Variants in CSMD1 observed in about 807,000 individuals in gnomAD.
The protein encoded by CSMD1 is CUB and Sushi multiple domains 1.
Under a neutral mutation model 417.5 loss-of-function variants are expected in CSMD1, and 213 were observed. The observed-to-expected ratio is 0.51, with a 90% CI of 0.46 to 0.57. CSMD1 has a LOEUF of 0.57. Among genes scored for constraint, CSMD1 ranks in the 20% least tolerant of loss-of-function variants. The pLI is 0.00. For missense variants in CSMD1, 6,923 were observed against 4,529.7 expected, an observed-to-expected ratio of 1.53 and a Z score of -15.17; for synonymous variants, 2,862 against 1,736.8, an observed-to-expected ratio of 1.65 and a Z score of -16.11.
chr8:4,053,004 C>T (rs1359766529), intron 3 of CSMD1, among the ~76,000 whole-genome samples: 1 of 152,108 alleles, frequency 6.6e-6, no homozygotes, highest in Non-Finnish European at 1.5e-5. Flanking sequence ...AAAGAAGTGG[C>T]CTTATACTTT....
chr8:3,597,207 G>A (rs958458446), intron 8 of CSMD1, among the ~76,000 whole-genome samples: 1 of 152,082 alleles, frequency 6.6e-6, no homozygotes, highest in African/African-American at 2.4e-5. Context: ...GGAACTGAGA[G>A]GACTCATGGT....
chr8:3,392,232 G>T (rs772865851), intron 17 of CSMD1, among the ~76,000 whole-genome samples: 31 of 151,900 alleles, frequency 2.0e-4, no homozygotes, highest in Non-Finnish European at 4.0e-4. Context: ...GTTGTCACAT[G>T]TACCCTAAAA....
At chr8:4,836,223 T>A (rs1414601556) in intron 1 of CSMD1, among the ~76,000 whole-genome samples, 1 of 152,196 alleles carries the variant, frequency 6.6e-6, no homozygotes, top group Admixed American at 6.5e-5. Context: ...AGGTATTAGA[T>A]AGGTTAATTA....
intron 10 of CSMD1, among the ~76,000 whole-genome samples, chr8:3,540,721 A>G (rs1434108049): frequency 6.6e-6 from 1 of 152,234 alleles, no homozygotes; most frequent in Non-Finnish European, 1.5e-5. Flanking sequence ...AAAGTGAGCA[A>G]AAGACATGAA....
intron 2 of CSMD1, among the ~76,000 whole-genome samples, chr8:4,522,875 C>G (rs1997138): frequency 0.12 from 17,614 of 152,188 alleles, 1,261 homozygotes; most frequent in Admixed American, 0.19. Context: ...TACGTGTTCT[C>G]CAGGAGCTTA....
intron 23 of CSMD1, among the ~76,000 whole-genome samples, chr8:3,325,230 A>G (rs1443299886): frequency 6.6e-6 from 1 of 152,178 alleles, no homozygotes; most frequent in Non-Finnish European, 1.5e-5. Flanking sequence ...CTTCCTACAA[A>G]TGAACCTTGC....
intron 37 of CSMD1, among the ~76,000 whole-genome samples, chr8:3,164,325 G>A (rs1585526763): frequency 6.6e-6 from 1 of 152,212 alleles, no homozygotes; most frequent in South Asian, 2.1e-4. Context: ...TTAAATGGCT[G>A]CATTTTTAGA....
At chr8:4,582,135 G>A (rs995016233) in intron 2 of CSMD1, among the ~76,000 whole-genome samples, 3 of 151,788 alleles carry the variant, frequency 2.0e-5, no homozygotes, top group Non-Finnish European at 1.5e-5. Flanking sequence ...AGTAGCACAT[G>A]AGGAATAATC....
At chr8:4,466,082 G>C (rs1020329524) in intron 2 of CSMD1, among the ~76,000 whole-genome samples, 3 of 152,170 alleles carry the variant, frequency 2.0e-5, no homozygotes, top group Non-Finnish European at 4.4e-5. Flanking sequence ...GTTATGGAGA[G>C]ATTAAATATC....
At chr8:3,209,004 C>CT (rs973255818) in intron 30 of CSMD1, among the ~76,000 whole-genome samples, 1 of 152,134 alleles carries the variant, frequency 6.6e-6, no homozygotes, top group African/African-American at 2.4e-5. Flanking sequence ...CTAGAGAACT[C>CT]TAATACATGT....
chr8:4,362,394 C>G (rs1563094777), intron 3 of CSMD1, among the ~76,000 whole-genome samples: 1 of 152,056 alleles, frequency 6.6e-6, no homozygotes, highest in African/African-American at 2.4e-5. Context: ...AGCCTGGGGA[C>G]AGAGTCTCAG....
At chr8:3,736,866 A>C (rs1796549005) in intron 6 of CSMD1, among the ~76,000 whole-genome samples, 1 of 152,176 alleles carries the variant, frequency 6.6e-6, no homozygotes, top group Admixed American at 6.5e-5. Context: ...AATGGGTGAA[A>C]GCCATGCCTG....
intron 3 of CSMD1, among the ~76,000 whole-genome samples, chr8:4,060,281 A>G (rs1798904052): frequency 6.6e-6 from 1 of 152,168 alleles, no homozygotes; most frequent in Admixed American, 6.5e-5. Flanking sequence ...TTAGGTATTG[A>G]TGGGACGTAT....
intron 5 of CSMD1, among the ~76,000 whole-genome samples, chr8:3,845,817 C>T (rs1237257460): frequency 6.6e-6 from 1 of 151,650 alleles, no homozygotes; most frequent in Non-Finnish European, 1.5e-5. Flanking sequence ...ATTCTATGTG[C>T]TTTCTTCTAT....
At chr8:3,983,294 C>A (rs2688395) in intron 5 of CSMD1, among the ~76,000 whole-genome samples, 6 of 152,016 alleles carry the variant, frequency 3.9e-5, no homozygotes, top group Non-Finnish European at 8.8e-5. Flanking sequence ...CCACGCCCGG[C>A]TAATTTTTTG....
In CSMD1 at chr8:3,351,582, G is replaced by C. The variant is rs190683121; in HGVS notation, c.3305-3421C>G. 1.3e-3 allele frequency among the ~76,000 whole-genome samples: 184 copies of C among 140,166 alleles called. 1 individual carries two copies. Among genetic ancestry groups the C allele is most frequent in the Non-Finnish European group, 2.2e-3 (146 of 66,052 alleles). The allele number at this position is 140,166 out of a possible 152,430, so 92.0% of individuals were successfully genotyped here. A position where few individuals can be genotyped will look rare whatever the true frequency, so the allele number is the denominator to read the frequency against. ...ACTACATTTCAGCCTGGGCGACACA[G>C]TGTGAGACTCTGTTTCAAAAAAAAA... On this transcript the variant is annotated intron_variant, in intron 21 of 69. Transcript: ENST00000635120.
chr8:4,698,751 G>A (rs1283205171), intron 1 of CSMD1, among the ~76,000 whole-genome samples: 1 of 71,164 alleles, frequency 1.4e-5, no homozygotes. Flanking sequence ...TAAACTCTCT[G>A]CCCCTTAAAA....
intron 2 of CSMD1, among the ~76,000 whole-genome samples, chr8:4,478,048 G>A (rs957608224): frequency 6.6e-6 from 1 of 152,094 alleles, no homozygotes; most frequent in Non-Finnish European, 1.5e-5. Context: ...CTCCTCTGTA[G>A]CACTCCCCGA....
At chr8:4,545,404 C>T (rs1006963386) in intron 2 of CSMD1, among the ~76,000 whole-genome samples, 6 of 152,186 alleles carry the variant, frequency 3.9e-5, no homozygotes, top group Non-Finnish European at 8.8e-5. Context: ...CACTCAACGT[C>T]TGCCTTGATT....
Sources: gnomAD v4.1 joint callset for allele counts (sites outside exome capture counted in the v4.1 genomes callset) on GRCh38, gnomAD v4.1.1 for gene constraint, MANE v1.5 for transcripts, NCBI Gene and HGNC (gene_info 2026-07-23, HGNC 2026-07-21) for gene names.